FLVCR1: variants seen among roughly 807,000 people sequenced by gnomAD.
FLVCR1 encodes the protein choline/ethanolamine transporter FLVCR1.
In FLVCR1, 34 loss-of-function variants were observed where a neutral mutation model predicts 53.6. That is an observed-to-expected ratio of 0.63 (90% CI 0.48 to 0.84). The LOEUF (loss-of-function observed/expected upper bound fraction) is 0.84. Ranked by LOEUF, FLVCR1 falls within the 40% of genes least tolerant of loss-of-function variation. The pLI is 0.00. For missense variants in FLVCR1, 677 were observed against 696.7 expected (o/e 0.97, Z 0.32); for synonymous variants, 300 against 286.3 (o/e 1.05, Z -0.48).
chr1:212,863,031 A>G (rs1437951228), intron 1 of FLVCR1, among the ~76,000 whole-genome samples: 1 of 152,204 alleles, frequency 6.6e-6, no homozygotes, highest in African/African-American at 2.4e-5. Flanking sequence ...GAGCTGTAAT[A>G]GTTCTTTATA....
Position 212,889,150 on chromosome 1 carries a change from T to C in FLVCR1, c.1418T>C (p.Phe473Ser). The change falls in exon 8 of 10, where the codon TTT becomes TCT. Residue 473 changes from phenylalanine (F) to serine (S), a missense_variant. Coordinates refer to ENST00000366971, the MANE Select transcript of FLVCR1 (RefSeq NM_014053.4). ...SGLLNASAQIFGILFTLAQGK... is the reference protein window; with the variant it reads ...SGLLNASAQISGILFTLAQGK... ...ATTTTTCTTATTGTATTTTAGATAT[T>C]TGGAATTTTGTTCACATTGGCTCAA... The C allele has an allele frequency of 6.2e-7, 1 of 1,600,548 alleles. No individual in the cohort carries two copies. The highest frequency in any genetic ancestry group is 8.6e-7 in the Non-Finnish European group (1 of 1,167,762).
At chr1:212,885,550 C>A in intron 5 of FLVCR1, 154 bp downstream of exon 5, 7 of 295,362 alleles carry the variant, frequency 2.4e-5, no homozygotes, top group Non-Finnish European at 2.5e-5. Flanking sequence ...ACAAGTGTTT[C>A]TTTTTTTTTT....
At chr1:212,888,342 G>A in intron 6 of FLVCR1, 147 bp from the exon 7 acceptor site, 1 of 699,096 alleles carries the variant, frequency 1.4e-6, no homozygotes, top group Non-Finnish European at 2.6e-6. Context: ...ATTGGTCAAT[G>A]ATAATAGTTC....
At chr1:212,885,947 C>T (rs572882597) in intron 5 of FLVCR1, among the ~76,000 whole-genome samples, 35 of 151,890 alleles carry the variant, frequency 2.3e-4, no homozygotes, top group African/African-American at 8.4e-4. Context: ...TTCTTTCTAA[C>T]AGTACTCATA....
Position 212,889,349 on chromosome 1 carries a change from GAA to G in FLVCR1, c.1525+98_1525+99del. The G allele has an allele frequency of 6.3e-6, 5 of 795,522 alleles. 1 individual carries two copies. Among genetic ancestry groups the G allele is most frequent in the Non-Finnish European group, 1.1e-5 (5 of 450,308 alleles). 49.3% of individuals were successfully genotyped at this position (795,522 alleles called of 1,614,324 possible). ...TCAATAGCTTGACAGAACTCAAGGG[GAA>G]AAAAATGAGATAAAAAGCAGGACAT... On this transcript the variant is annotated intron_variant, in intron 8 of 9. Transcript: ENST00000366971.
At position 212,885,488 on chromosome 1, in the gene FLVCR1, T is replaced by C. The variant is rs1665036188; in HGVS notation, c.1196+92T>C. 9.8e-6 allele frequency: 9 copies of C among 920,766 alleles called. No individual in the cohort carries two copies. In the South Asian group the frequency reaches 1.2e-4, roughly 12 times the overall value. The allele number at this position is 920,766 out of a possible 1,614,324, so 57.0% of individuals were successfully genotyped here. On this transcript the variant is annotated intron_variant, in intron 5 of 9. Transcript: ENST00000366971. ...TTTTTATTTCAAGAAATTTAAAACATGTTATTACTTAAAGATACGGATTCT... is the reference window on the plus strand; with the variant it reads ...TTTTTATTTCAAGAAATTTAAAACACGTTATTACTTAAAGATACGGATTCT...
chr1:212,884,722 G>A (rs568246331), intron 4 of FLVCR1, among the ~76,000 whole-genome samples: 7 of 152,144 alleles, frequency 4.6e-5, no homozygotes, highest in Non-Finnish European at 8.8e-5. Context: ...ATTGTTGTGT[G>A]AATATCATAG....
chr1:212,865,867 G>A (rs1408306611), intron 2 of FLVCR1, among the ~76,000 whole-genome samples: 7 of 144,604 alleles, frequency 4.8e-5, no homozygotes, highest in African/African-American at 1.8e-4. Flanking sequence ...CCAGGCTGGA[G>A]GGCAGTGGCG....
chr1:212,891,046 C>G (rs1665178562), intron 8 of FLVCR1, among the ~76,000 whole-genome samples: 2 of 152,110 alleles, frequency 1.3e-5, no homozygotes, highest in African/African-American at 4.8e-5. Context: ...ACTGCTTTAA[C>G]TATTGTTCTT....
At chr1:212,892,708 TTCTTTAAGAAATACACTTCAAAA>T (rs1466769764) in intron 8 of FLVCR1, among the ~76,000 whole-genome samples, 3 of 152,196 alleles carry the variant, frequency 2.0e-5, no homozygotes, top group Non-Finnish European at 4.4e-5. Flanking sequence ...TCAAGTCTTA[TTCTTTAAGAAATACACTTCAAAA>T]GGCTGTAGCT....
In FLVCR1 at chr1:212,873,227, C is replaced by T. The variant is rs536504979; in HGVS notation, c.1024+409C>T. ...ACTCAGGTGGCTGAGGCAGGAGAATCGCTTGAACCTAGAAGGCAGAGGTGG... is the reference window on the plus strand; with the variant it reads ...ACTCAGGTGGCTGAGGCAGGAGAATTGCTTGAACCTAGAAGGCAGAGGTGG... On this transcript the variant is annotated intron_variant, in intron 3 of 9. Coordinates refer to ENST00000366971, the MANE Select transcript of FLVCR1 (RefSeq NM_014053.4). 2.6e-5 allele frequency among the ~76,000 whole-genome samples: 4 copies of T among 151,718 alleles called. No individual in the cohort carries two copies. The South Asian group carries it at 6.2e-4, about 24-fold the overall frequency.
Position 212,860,350 on chromosome 1 carries a change from G to GTTTTTTTTTTTGTTTTTTT in FLVCR1, c.738+1171_738+1172insGTTTTTTTTTTTTTTTTTT, listed in dbSNP as rs1664187823. 8.2e-5 allele frequency among the ~76,000 whole-genome samples: 7 copies of GTTTTTTTTTTTGTTTTTTT among 85,824 alleles called. 1 individual carries two copies. Among genetic ancestry groups the GTTTTTTTTTTTGTTTTTTT allele is most frequent in the Non-Finnish European group, 1.7e-4 (7 of 41,284 alleles). 56.3% of individuals were successfully genotyped at this position (85,824 alleles called of 152,430 possible). A position where few individuals can be genotyped will look rare whatever the true frequency, so the allele number is the denominator to read the frequency against. On this transcript the variant is annotated intron_variant, in intron 1 of 9. Coordinates refer to ENST00000366971, the MANE Select transcript of FLVCR1 (RefSeq NM_014053.4). ...TATTATAAAGTTTTTTGTGTGTGTG[G>GTTTTTTTTTTTGTTTTTTT]TTTTTTTTTTTTTTTTTTGTAGAAA... is the stretch of plus-strand genomic sequence containing the variant.
At chr1:212,872,534 C>T (rs1015516289) in intron 2 of FLVCR1, 144 bp from the exon 3 acceptor site, 2 of 588,608 alleles carry the variant, frequency 3.4e-6, no homozygotes, top group African/African-American at 3.8e-5. Context: ...AAACCCTTAC[C>T]ATAAAAGACT....
intron 3 of FLVCR1, among the ~76,000 whole-genome samples, chr1:212,874,526 C>CTTTTTTTTTTTTTTTTTTT (rs61497441): frequency 8.3e-6 from 1 of 120,880 alleles, no homozygotes; most frequent in South Asian, 2.5e-4. Flanking sequence ...TTCTTTTTTT[C>CTTTTTTTTTTTTTTTTTTT]TTTTTTTTTT....
At chr1:212,863,439 A>AT (rs1312125974) in intron 1 of FLVCR1, among the ~76,000 whole-genome samples, 2 of 152,138 alleles carry the variant, frequency 1.3e-5, no homozygotes, top group Non-Finnish European at 1.5e-5. Flanking sequence ...AAATACAAAA[A>AT]TTAGCTGGGC....
chr1:212,867,175 G>T (rs1029253715), intron 2 of FLVCR1, among the ~76,000 whole-genome samples: 11 of 152,152 alleles, frequency 7.2e-5, no homozygotes, highest in Admixed American at 3.9e-4. Context: ...TTTCTCAAAG[G>T]TTCATGCCAT....
At chr1:212,888,347 T>A in intron 6 of FLVCR1, 142 bp from the exon 7 acceptor site, 2 of 706,478 alleles carry the variant, frequency 2.8e-6, no homozygotes, top group Non-Finnish European at 5.2e-6. Flanking sequence ...TCAATGATAA[T>A]AGTTCCTTAC....
chr1:212,869,107 C>G (rs982066501), intron 2 of FLVCR1, among the ~76,000 whole-genome samples: 1 of 152,114 alleles, frequency 6.6e-6, no homozygotes, highest in African/African-American at 2.4e-5. Context: ...AAAAGTAGCC[C>G]TAAACAGCAA....
intron 3 of FLVCR1, among the ~76,000 whole-genome samples, chr1:212,879,859 A>AT (rs879503768): frequency 1.6e-4 from 23 of 147,594 alleles, no homozygotes; most frequent in Middle Eastern, 3.5e-3. Flanking sequence ...ACCCGGCCAA[A>AT]TTTTTTTTTT....
Sources: allele counts gnomAD v4.1 joint callset (sites outside exome capture counted in the v4.1 genomes callset), GRCh38; gene constraint gnomAD v4.1.1; transcripts MANE v1.5; gene names NCBI Gene and HGNC (gene_info 2026-07-23, HGNC 2026-07-21).